Variants in PLOD1 observed in about 807,000 individuals in gnomAD.
PLOD1 encodes procollagen-lysine,2-oxoglutarate 5-dioxygenase 1, also known as lysine hydroxylase.
In PLOD1, 70 loss-of-function variants were observed where a neutral mutation model predicts 94.7. That is an observed-to-expected ratio of 0.74 (90% CI 0.61 to 0.90). The LOEUF (loss-of-function observed/expected upper bound fraction) is 0.90, where lower values mean the gene tolerates loss of function less well. PLOD1 is among the 40% of genes least tolerant of loss of function. The probability of loss-of-function intolerance (pLI) is 0.00; values close to 1 mark genes in which losing one functional copy is unlikely to be tolerated. For missense variants in PLOD1, 905 were observed against 972.7 expected (o/e 0.93, Z 0.93); for synonymous variants, 417 against 400.2 (o/e 1.04, Z -0.50).
rs879781261 is a variant in PLOD1, at chr1:11,975,079, C to T, written c.*271C>T. On this transcript the variant is annotated 3_prime_UTR_variant, in exon 19 of 19. Transcript: ENST00000196061. Reference sequence around the variant, plus strand: ...CTGCTTTGTAGTGACTCGTGCTCTCCAACCTGTCTTCCTGAAAAACCAAGG... The same window carrying T: ...CTGCTTTGTAGTGACTCGTGCTCTCTAACCTGTCTTCCTGAAAAACCAAGG... 5.4e-5 allele frequency: 28 copies of T among 522,440 alleles called. No individual in the cohort carries two copies. The highest frequency in any genetic ancestry group is 9.3e-5 in the Non-Finnish European group (27 of 289,272). 32.4% of individuals were successfully genotyped at this position (522,440 alleles called of 1,614,324 possible).
At position 11,958,439 on chromosome 1, in the gene PLOD1, CT is replaced by C; in HGVS notation, c.844-75del. 6.4e-7 allele frequency: 1 copy of C among 1,552,652 alleles called. No individual in the cohort carries two copies. On this transcript the variant is annotated intron_variant, in intron 8 of 18. Transcript: ENST00000196061. This position sits in a 1 kb window ranked among gnomAD's most constrained non-coding sequence, Gnocchi z 4.3. ...TGCTTCTGATTCTGGCTCTGACTCC[CT>C]TGGGCCACCCTGGGGTGGAGTGGCA...
chr1:11,967,626 T>G (rs1178005609), intron 16 of PLOD1, among the ~76,000 whole-genome samples: 3 of 122,370 alleles, frequency 2.5e-5, no homozygotes, highest in African/African-American at 6.3e-5. Flanking sequence ...AAAAGAAATA[T>G]ATATAGATTT....
At position 11,943,300 on chromosome 1, in the gene PLOD1, C is replaced by CT. The variant is rs1553132909; in HGVS notation, c.77-4663dup. Among the ~76,000 whole-genome samples the CT allele has an allele frequency of 9.5e-3, 1,340 of 141,412 alleles. 119 individuals carry two copies. In the East Asian group the frequency reaches 0.22, roughly 23 times the overall value. The allele number at this position is 141,412 out of a possible 152,430, so 92.8% of individuals were successfully genotyped here. On this transcript the variant is annotated intron_variant, in intron 1 of 18. Coordinates refer to ENST00000196061, the MANE Select transcript of PLOD1 (RefSeq NM_000302.4). ...ACCGTGCCCGGCTTTTTTTTTCTTT[C>CT]TTTTTTTTTTTTTGAGACAGAGTTT... is the stretch of plus-strand genomic sequence containing the variant.
At chr1:11,961,043 A>C (rs1202858193) in intron 10 of PLOD1, among the ~76,000 whole-genome samples, 1 of 152,062 alleles carries the variant, frequency 6.6e-6, no homozygotes, top group African/African-American at 2.4e-5. Flanking sequence ...AAGTAGACAA[A>C]GGCTGACTAT....
At chr1:11,954,530 G>T (rs1380313946) in intron 5 of PLOD1, 1 of 669,226 alleles carries the variant, frequency 1.5e-6, no homozygotes, top group Non-Finnish European at 2.9e-6. Context: ...GTAGTGGAGT[G>T]CTTGGCAGGT....
At chr1:11,967,519 C>T (rs889473120) in intron 16 of PLOD1, among the ~76,000 whole-genome samples, 4 of 142,602 alleles carry the variant, frequency 2.8e-5, no homozygotes, top group East Asian at 2.0e-4. Flanking sequence ...GTGTTCTCTC[C>T]GTGAGAATCC....
At position 11,946,230 on chromosome 1, in the gene PLOD1, C is replaced by T. The variant is rs77952302; in HGVS notation, c.77-1746C>T. On this transcript the variant is annotated intron_variant, in intron 1 of 18. Transcript: ENST00000196061. ...CCAGGCAGGCTAGCTCCAGACTCCT[C>T]GCTTCTCAGAGAACACAGCTTCAAA... Among the ~76,000 whole-genome samples the T allele has an allele frequency of 7.3e-3, 1,106 of 152,310 alleles. 15 individuals carry two copies. Among genetic ancestry groups the T allele is most frequent in the African/African-American group, 0.024 (1,005 of 41,566 alleles).
At position 11,944,637 on chromosome 1, in the gene PLOD1, C is replaced by T. The variant is rs78727544; in HGVS notation, c.77-3339C>T. The T allele has an allele frequency of 2.4e-3, 3,238 of 1,361,536 alleles. 45 individuals carry two copies. The East Asian group carries it at 0.028, about 12-fold the overall frequency. 84.3% of individuals were successfully genotyped at this position (1,361,536 alleles called of 1,614,324 possible). A position where few individuals can be genotyped will look rare whatever the true frequency, so the allele number is the denominator to read the frequency against. On this transcript the variant is annotated intron_variant, in intron 1 of 18. Coordinates refer to ENST00000196061, the MANE Select transcript of PLOD1 (RefSeq NM_000302.4). Reference sequence around the variant, plus strand: ...GCCCTTCCCCAAGTGTGAGCAGCATCCCTCGTTTCTGGATCCCAGGTTCAG... The same window carrying T: ...GCCCTTCCCCAAGTGTGAGCAGCATTCCTCGTTTCTGGATCCCAGGTTCAG...
chr1:11,943,343 C>T (rs1286229541), intron 1 of PLOD1, among the ~76,000 whole-genome samples: 1 of 150,784 alleles, frequency 6.6e-6, no homozygotes, highest in East Asian at 2.0e-4. Context: ...GTCGCCCAGG[C>T]CGGACTGCAA....
At chr1:11,966,384 C>A in intron 15 of PLOD1, 68 bp downstream of exon 15, 1 of 1,149,594 alleles carries the variant, frequency 8.7e-7, no homozygotes, top group South Asian at 1.3e-5. Context: ...AGAAGGGAAA[C>A]TGCTTGCCCT....
intron 1 of PLOD1, among the ~76,000 whole-genome samples, chr1:11,945,703 T>A (rs1465537907): frequency 6.6e-6 from 1 of 150,856 alleles, no homozygotes; most frequent in Non-Finnish European, 1.5e-5. Context: ...CTCTTTATTT[T>A]TATTTATTTT....
In PLOD1 at chr1:11,958,004, G is replaced by T; in HGVS notation, c.843+61G>T. On this transcript the variant is annotated intron_variant, in intron 8 of 18. Coordinates refer to ENST00000196061, the MANE Select transcript of PLOD1 (RefSeq NM_000302.4). The surrounding 1 kb of genome is among the most constrained non-coding windows in gnomAD (Gnocchi z 4.3). ...GGGGGGCTCAGTCCCCTGAGATGGC[G>T]AGATGGGTGATTCTGGAATAGACTC... 9.6e-7 allele frequency: 1 copy of T among 1,037,070 alleles called. No homozygotes were observed. The highest frequency in any genetic ancestry group is 1.5e-6 in the Non-Finnish European group (1 of 653,492). The allele number at this position is 1,037,070 out of a possible 1,614,324, so 64.2% of individuals were successfully genotyped here.
chr1:11,934,822 C>A lies in PLOD1; in HGVS notation c.43C>A (p.Leu15Met). Reference sequence around the variant, plus strand: ...ACTGGCCCTGCTGGGCTGGCTGCTGCTGGCCGAAGCGAAGGGCGACGCCAA... The same window carrying A: ...ACTGGCCCTGCTGGGCTGGCTGCTGATGGCCGAAGCGAAGGGCGACGCCAA... ...LLLALLGWLL[L>M]AEAKGDAKPE... The change falls in exon 1 of 19, where the codon CTG becomes ATG. Residue 15 changes from leucine (L) to methionine (M), a missense_variant. By Grantham distance (15) the Leu-to-Met change is conservative. Coordinates refer to ENST00000196061, the MANE Select transcript of PLOD1 (RefSeq NM_000302.4). 6.5e-7 allele frequency: 1 copy of A among 1,540,714 alleles called. No individual in the cohort carries two copies.
In PLOD1 at chr1:11,963,283, G is replaced by A. The variant is rs1432172250; in HGVS notation, c.1098-249G>A. On this transcript the variant is annotated intron_variant, in intron 10 of 18. Coordinates refer to ENST00000196061, the MANE Select transcript of PLOD1 (RefSeq NM_000302.4). This position sits in a 1 kb window ranked among gnomAD's most constrained non-coding sequence, Gnocchi z 4.3. ...TGGGCCATGTAGGCACCTGTGGGCTGTGTTCTTCCCAGTACCAGGATTTTC... is the reference window on the plus strand; with the variant it reads ...TGGGCCATGTAGGCACCTGTGGGCTATGTTCTTCCCAGTACCAGGATTTTC... Among the ~76,000 whole-genome samples, 1 of 152,202 alleles carries A rather than the reference G, an allele frequency of 6.6e-6. No homozygotes were observed. Among genetic ancestry groups the A allele is most frequent in the Admixed American group, 6.5e-5 (1 of 15,268 alleles).
intron 1 of PLOD1, among the ~76,000 whole-genome samples, chr1:11,936,849 T>A (rs1182285936): frequency 2.0e-5 from 2 of 97,916 alleles, no homozygotes; most frequent in Admixed American, 1.9e-4. Context: ...TTTCTTTTCT[T>A]TCTTTTTTTT....
intron 13 of PLOD1, 30 bp from the exon 14 acceptor site, chr1:11,965,450 C>A: frequency 7.7e-7 from 1 of 1,305,046 alleles, no homozygotes. Flanking sequence ...GGTGGGGGAG[C>A]GCCTCTTCCA....
Position 11,972,632 on chromosome 1 carries a change from T to A in PLOD1, c.1903-240T>A. 1 of 432,004 alleles carries A rather than the reference T, an allele frequency of 2.3e-6. No individual in the cohort carries two copies. The highest frequency in any genetic ancestry group is 4.3e-6 in the Non-Finnish European group (1 of 230,468). 26.8% of individuals were successfully genotyped at this position (432,004 alleles called of 1,614,324 possible). The stretch of plus-strand genomic sequence containing the variant: ...CTTCCTCCCTCCCTCCCTTCCTTTC[T>A]TCCTTCCCCTCTGTTCTCTTCCTTC... On this transcript the variant is annotated intron_variant, in intron 17 of 18. Coordinates refer to ENST00000196061, the MANE Select transcript of PLOD1 (RefSeq NM_000302.4). This position sits in a 1 kb window ranked among gnomAD's most constrained non-coding sequence, Gnocchi z 4.6.
chr1:11,935,256 G>A (rs926375182), intron 1 of PLOD1, among the ~76,000 whole-genome samples: 2 of 152,058 alleles, frequency 1.3e-5, no homozygotes, highest in African/African-American at 4.8e-5. Context: ...TCATTCACTT[G>A]CCCAAGATCA....
Position 11,934,849 on chromosome 1 carries a change from C to T in PLOD1, c.70C>T (p.Pro24Ser), listed in dbSNP as rs1395571164. 3.9e-6 allele frequency: 6 copies of T among 1,538,376 alleles called. No individual in the cohort carries two copies. The Middle Eastern group carries it at 5.2e-4, about 133-fold the overall frequency. Residue 24 changes from proline to serine, a missense_variant, in exon 1 of 19, where the codon CCG becomes TCG. Pro to Ser is a moderately conservative substitution (Grantham distance 74). Coordinates refer to ENST00000196061, the MANE Select transcript of PLOD1 (RefSeq NM_000302.4). ...LLAEAKGDAK[P>S]EDNLLVLTVA... ...GGCCGAAGCGAAGGGCGACGCCAAG[C>T]CGGAGGGTGAGGGAGCGAAGGCCGG...
Sources: allele counts gnomAD v4.1 joint callset (sites outside exome capture counted in the v4.1 genomes callset), GRCh38; gene constraint gnomAD v4.1.1; non-coding constraint Gnocchi (gnomAD v3.1); transcripts MANE v1.5; gene names NCBI Gene and HGNC (gene_info 2026-07-23, HGNC 2026-07-21).